Variants in MAP4K3 observed in about 807,000 individuals in gnomAD.
MAP4K3 encodes the protein mitogen-activated protein kinase kinase kinase kinase 3.
A neutral mutation model predicts 143.5 loss-of-function variants in MAP4K3; 94 were observed. The ratio of observed to expected loss-of-function variants is 0.65; its 90% CI spans 0.55 to 0.78. MAP4K3 has a LOEUF of 0.78. Among genes scored for constraint, MAP4K3 ranks in the 30% least tolerant of loss-of-function variants. The probability of loss-of-function intolerance (pLI) is 0.00; values close to 1 mark genes in which losing one functional copy is unlikely to be tolerated. For missense variants in MAP4K3, 1,077 were observed against 1,068.1 expected, an observed-to-expected ratio of 1.01 and a Z score of -0.12; for synonymous variants, 416 against 347.2, an observed-to-expected ratio of 1.20 and a Z score of -2.20.
At chr2:39,257,044 ATTTG>A (rs1680368292) in intron 31 of MAP4K3, among the ~76,000 whole-genome samples, 1 of 152,262 alleles carries the variant, frequency 6.6e-6, no homozygotes, top group Non-Finnish European at 1.5e-5. Context: ...TATTATAATC[ATTTG>A]TTTGTTGGAT....
intron 13 of MAP4K3, among the ~76,000 whole-genome samples, chr2:39,313,282 T>C (rs913302628): frequency 1.3e-5 from 2 of 152,152 alleles, no homozygotes; most frequent in South Asian, 4.1e-4. Flanking sequence ...TAAACTTGCA[T>C]CGCGGGGGTT....
At chr2:39,269,552 G>A (rs1055684391) in intron 26 of MAP4K3, among the ~76,000 whole-genome samples, 5 of 134,526 alleles carry the variant, frequency 3.7e-5, no homozygotes, top group African/African-American at 8.4e-5. Flanking sequence ...TTGGGTCACC[G>A]CAACCTCTGC....
chr2:39,259,504 A>AAAATGC (rs983944437), intron 29 of MAP4K3, among the ~76,000 whole-genome samples: 1 of 152,240 alleles, frequency 6.6e-6, no homozygotes, highest in Non-Finnish European at 1.5e-5. Context: ...GGAGTTGTGT[A>AAAATGC]AAATGCAAAT....
At chr2:39,410,199 G>C (rs1161744196) in intron 1 of MAP4K3, among the ~76,000 whole-genome samples, 3 of 152,152 alleles carry the variant, frequency 2.0e-5, no homozygotes, top group Non-Finnish European at 2.9e-5. Context: ...TAAAGCAACA[G>C]CTGATTTCTA....
intron 1 of MAP4K3, among the ~76,000 whole-genome samples, chr2:39,398,301 G>GA (rs914088557): frequency 3.2e-4 from 48 of 148,904 alleles, no homozygotes; most frequent in South Asian, 2.1e-3. Context: ...AGTAAAAAAA[G>GA]AAAAAAAAAG....
intron 1 of MAP4K3, among the ~76,000 whole-genome samples, chr2:39,418,613 C>T (rs983044418): frequency 2.0e-5 from 3 of 151,828 alleles, no homozygotes; most frequent in African/African-American, 7.3e-5. Flanking sequence ...TTAACATTGC[C>T]GGTGATCAAA....
Position 39,251,885 on chromosome 2 carries a change from C to T in MAP4K3, c.2542G>A (p.Val848Ile), listed in dbSNP as rs749539679. The change falls in exon 33 of 34, where the codon GTA becomes ATA. Residue 848 changes from valine to isoleucine, a missense_variant and splice_region_variant. By Grantham distance (29) the Val-to-Ile change is conservative. Transcript: ENST00000263881. ...GTGCTATCTGAAATTTCTTGTGTTA[C>T]CTGTTCAATTAAAACACAAATTTAA... Reference protein sequence around the residue: ...MQGRSFRSNEVTQEISDSTRI... With the variant: ...MQGRSFRSNEITQEISDSTRI... 4 of 1,611,288 alleles carry T rather than the reference C, an allele frequency of 2.5e-6. No individual in the cohort carries two copies. In the South Asian group the frequency reaches 4.4e-5, roughly 18 times the overall value.
chr2:39,378,434 T>C (rs552440014), intron 1 of MAP4K3, among the ~76,000 whole-genome samples: 16 of 152,298 alleles, frequency 1.1e-4, no homozygotes, highest in African/African-American at 3.8e-4. Context: ...GGTACTGATA[T>C]TATTCTCATT....
intron 18 of MAP4K3, 55 bp from the exon 19 acceptor site, chr2:39,290,389 C>G: frequency 8.9e-7 from 1 of 1,125,160 alleles, no homozygotes; most frequent in Non-Finnish European, 1.3e-6. Context: ...TGAATCAATC[C>G]TAAAATATAA....
At chr2:39,323,808 C>T (rs1213611620) in intron 12 of MAP4K3, 3 of 151,508 alleles carry the variant, frequency 2.0e-5, no homozygotes, top group Admixed American at 2.0e-4. Flanking sequence ...AGAAATGAAA[C>T]ACATTAACTC....
intron 1 of MAP4K3, among the ~76,000 whole-genome samples, chr2:39,402,638 A>G (rs1009575869): frequency 6.6e-6 from 1 of 152,130 alleles, no homozygotes; most frequent in African/African-American, 2.4e-5. Flanking sequence ...AAGAAAGAAA[A>G]TAAGATCAGA....
chr2:39,387,641 T>C (rs548749291), intron 1 of MAP4K3, among the ~76,000 whole-genome samples: 121 of 152,138 alleles, frequency 8.0e-4, no homozygotes, highest in African/African-American at 2.7e-3. Flanking sequence ...TTTGAAGAAA[T>C]AGAAAAGACG....
intron 20 of MAP4K3, among the ~76,000 whole-genome samples, chr2:39,287,297 T>C (rs1472118278): frequency 1.8e-4 from 1 of 5,414 alleles, no homozygotes; most frequent in Non-Finnish European, 3.9e-4. Flanking sequence ...CTTTAGTTGC[T>C]CTTTTTTTTT....
chr2:39,417,888 G>A (rs984713140), intron 1 of MAP4K3, among the ~76,000 whole-genome samples: 4 of 152,058 alleles, frequency 2.6e-5, no homozygotes, highest in African/African-American at 4.8e-5. Flanking sequence ...GCATCTTGCA[G>A]TGCCAGAAAG....
chr2:39,437,134 C>T lies in MAP4K3; in HGVS notation c.-147G>A. 2.1e-6 allele frequency: 1 copy of T among 478,034 alleles called. No individual in the cohort carries two copies. Among genetic ancestry groups the T allele is most frequent in the African/African-American group, 2.1e-5 (1 of 48,126 alleles). 29.6% of individuals were successfully genotyped at this position (478,034 alleles called of 1,614,324 possible). A position where few individuals can be genotyped will look rare whatever the true frequency, so the allele number is the denominator to read the frequency against. On this transcript the variant is annotated 5_prime_UTR_variant, in exon 1 of 34. Coordinates refer to ENST00000263881, the MANE Select transcript of MAP4K3 (RefSeq NM_003618.4). The stretch of plus-strand genomic sequence containing the variant: ...CTCCACGCTGCGGCCGCCGCCGCCG[C>T]CGCCGCTCCCCTCACGCCGCTGCGG...
At position 39,378,099 on chromosome 2, in the gene MAP4K3, A is replaced by AT. The variant is rs2148580871; in HGVS notation, c.120dup (p.Leu41IlefsTer5). 6.3e-7 allele frequency: 1 copy of AT among 1,592,470 alleles called. No individual in the cohort carries two copies. The highest frequency in any genetic ancestry group is 2.3e-5 in the East Asian group (1 of 43,860). The stretch of plus-strand genomic sequence containing the variant: ...AATTTTATTACTTTAATTGCTGCTA[A>AT]TTCACCAGTGTTAACATTCCGTGCC... On this transcript the variant is annotated frameshift_variant, in exon 2 of 34. Coordinates refer to ENST00000263881, the MANE Select transcript of MAP4K3 (RefSeq NM_003618.4). LOFTEE classifies it high-confidence loss of function.
intron 24 of MAP4K3, among the ~76,000 whole-genome samples, chr2:39,274,220 T>G (rs1483717167): frequency 1.4e-5 from 2 of 143,520 alleles, no homozygotes; most frequent in Non-Finnish European, 3.1e-5. Context: ...TCTTTCTCTC[T>G]CTTTTTTTTT....
chr2:39,263,569 G>A (rs900718719), intron 28 of MAP4K3, among the ~76,000 whole-genome samples: 5 of 151,830 alleles, frequency 3.3e-5, no homozygotes, highest in Admixed American at 6.6e-5. Context: ...GTGAGCCACC[G>A]CGCCCGGCCC....
intron 26 of MAP4K3, among the ~76,000 whole-genome samples, chr2:39,269,406 C>T (rs1352050679): frequency 6.6e-6 from 1 of 150,948 alleles, no homozygotes; most frequent in Non-Finnish European, 1.5e-5. Flanking sequence ...CTGTGTCATT[C>T]AGTCCCTCCA....
Sources: allele counts gnomAD v4.1 joint callset (sites outside exome capture counted in the v4.1 genomes callset), GRCh38; gene constraint gnomAD v4.1.1; transcripts MANE v1.5; gene names NCBI Gene and HGNC (gene_info 2026-07-23, HGNC 2026-07-21).